The following TMEM123 variants were observed in gnomAD, a reference collection of about 807,000 sequenced individuals.
The protein encoded by TMEM123 is porimin.
TMEM123 carries 16 observed loss-of-function variants against 19.7 expected under a neutral mutation model. That is an observed-to-expected ratio of 0.81 (90% CI 0.55 to 1.23). The LOEUF is 1.23. Among genes scored for constraint, TMEM123 ranks in the 50% most tolerant of loss-of-function variants. The probability of loss-of-function intolerance (pLI) is 0.00; values close to 1 mark genes in which losing one functional copy is unlikely to be tolerated. For missense variants in TMEM123, 313 were observed against 257.8 expected, an observed-to-expected ratio of 1.21 and a Z score of -1.47; for synonymous variants, 118 against 99.4, an observed-to-expected ratio of 1.19 and a Z score of -1.12.
In TMEM123 at chr11:102,398,145, T is replaced by C. The variant is rs924917644; in HGVS notation, c.*722A>G. 1 of 154,446 alleles carries C rather than the reference T, an allele frequency of 6.5e-6. No individual in the cohort carries two copies. The highest frequency in any genetic ancestry group is 2.4e-5 in the African/African-American group (1 of 41,562). 9.6% of individuals were successfully genotyped at this position (154,446 alleles called of 1,614,324 possible). On this transcript the variant is annotated 3_prime_UTR_variant, in exon 5 of 5. Transcript: ENST00000398136. ...TTTAAAACATTATTATGTTAAACAC[T>C]GCAGTTTACCTAAATTACACAGAGA...
intron 2 of TMEM123, among the ~76,000 whole-genome samples, chr11:102,439,086 C>G (rs992858899): frequency 6.6e-6 from 1 of 152,166 alleles, no homozygotes; most frequent in Non-Finnish European, 1.5e-5. Context: ...ACAAAGTGGC[C>G]GGGAAGCTCG....
At position 102,448,854 on chromosome 11, in the gene TMEM123, C is replaced by T. The variant is rs770258765; in HGVS notation, c.115G>A (p.Glu39Lys). The T allele has an allele frequency of 6.2e-7, 1 of 1,613,694 alleles. No individual in the cohort carries two copies. Among genetic ancestry groups the T allele is most frequent in the Non-Finnish European group, 8.5e-7 (1 of 1,179,736 alleles). ...SAAMAASANI[E>K]NSGLPHNSSA... Reference sequence around the variant, plus strand: ...GAGTTGTGTGGAAGCCCAGAATTCTCTATGTTTGCAGATGCTGTAAAAATA... The same window carrying T: ...GAGTTGTGTGGAAGCCCAGAATTCTTTATGTTTGCAGATGCTGTAAAAATA... The change falls in exon 2 of 5, where the codon GAG becomes AAG. Residue 39 changes from glutamate (E) to lysine (K), a missense_variant. Physicochemically the swap from Glu to Lys is moderately conservative, Grantham distance 56. Coordinates refer to ENST00000398136, the MANE Select transcript of TMEM123 (RefSeq NM_052932.3).
intron 3 of TMEM123, 29 bp downstream of exon 3, chr11:102,401,886 AG>A (rs747295938): frequency 6.3e-7 from 1 of 1,594,156 alleles, no homozygotes; most frequent in Admixed American, 1.7e-5. Flanking sequence ...CTTGCAGCAT[AG>A]GAAAAAAAAG....
chr11:102,429,838 T>G (rs1028398819), intron 2 of TMEM123, among the ~76,000 whole-genome samples: 20 of 152,188 alleles, frequency 1.3e-4, no homozygotes, highest in Admixed American at 6.5e-5. Flanking sequence ...CGCTTTCCTG[T>G]GTCACTTTTA....
chr11:102,443,305 G>T (rs1311171604), intron 2 of TMEM123, among the ~76,000 whole-genome samples: 3 of 152,130 alleles, frequency 2.0e-5, no homozygotes, highest in Non-Finnish European at 4.4e-5. Flanking sequence ...TACACTACAA[G>T]GCTACAGTAA....
At chr11:102,400,689 C>CAATT (rs1951905108) in intron 4 of TMEM123, among the ~76,000 whole-genome samples, 1 of 152,204 alleles carries the variant, frequency 6.6e-6, no homozygotes, top group Non-Finnish European at 1.5e-5. Context: ...CCCTCGTGAA[C>CAATT]AGAATTAATA....
chr11:102,450,906 C>T (rs1857931573), intron 1 of TMEM123, among the ~76,000 whole-genome samples: 1 of 152,206 alleles, frequency 6.6e-6, no homozygotes, highest in African/African-American at 2.4e-5. Context: ...ATACAGATTA[C>T]ACTATACATG....
chr11:102,420,057 A>AT (rs1260519394), intron 2 of TMEM123, among the ~76,000 whole-genome samples: 2 of 152,250 alleles, frequency 1.3e-5, no homozygotes. Flanking sequence ...AATGGTTTTT[A>AT]TATAAAAATA....
chr11:102,425,461 C>T (rs1952118148), intron 2 of TMEM123, among the ~76,000 whole-genome samples: 1 of 152,062 alleles, frequency 6.6e-6, no homozygotes, highest in Non-Finnish European at 1.5e-5. Flanking sequence ...ATGTTGTGTC[C>T]TCCAATGATA....
chr11:102,403,080 G>A (rs1230055297), intron 2 of TMEM123, among the ~76,000 whole-genome samples: 1 of 151,918 alleles, frequency 6.6e-6, no homozygotes, highest in East Asian at 1.9e-4. Context: ...TCAAGATCTC[G>A]GCTCAATGCA....
chr11:102,421,625 G>A (rs1381183514), intron 2 of TMEM123, among the ~76,000 whole-genome samples: 3 of 152,018 alleles, frequency 2.0e-5, no homozygotes, highest in African/African-American at 7.3e-5. Context: ...TTGTGTAAAG[G>A]CACTAGAAAA....
intron 2 of TMEM123, among the ~76,000 whole-genome samples, chr11:102,405,737 A>C (rs1951950196): frequency 6.6e-6 from 1 of 152,196 alleles, no homozygotes; most frequent in South Asian, 2.1e-4. Context: ...AAGATACTGT[A>C]CAAAGTCACA....
intron 4 of TMEM123, among the ~76,000 whole-genome samples, chr11:102,400,845 C>T (rs186629743): frequency 6.6e-6 from 1 of 152,276 alleles, no homozygotes; most frequent in East Asian, 1.9e-4. Flanking sequence ...CTGTTTAAGG[C>T]ACCCAGCTGT....
chr11:102,441,057 A>G (rs1857820721), intron 2 of TMEM123, among the ~76,000 whole-genome samples: 1 of 152,186 alleles, frequency 6.6e-6, no homozygotes, highest in African/African-American at 2.4e-5. Context: ...GTCCTTAGAG[A>G]CCTACAAAGA....
chr11:102,401,511 T>A (rs201125702), intron 4 of TMEM123, 28 bp downstream of exon 4: 49 of 1,528,754 alleles, frequency 3.2e-5, no homozygotes, highest in South Asian at 3.9e-5. Flanking sequence ...CAATTTTTTT[T>A]AAAAAGTCCT....
chr11:102,446,320 C>A (rs1857882875), intron 2 of TMEM123, among the ~76,000 whole-genome samples: 1 of 152,068 alleles, frequency 6.6e-6, no homozygotes, highest in Non-Finnish European at 1.5e-5. Flanking sequence ...TCAAACAAGT[C>A]CCTGCAGACA....
At chr11:102,415,429 A>G (rs1040090224) in intron 2 of TMEM123, among the ~76,000 whole-genome samples, 6 of 152,176 alleles carry the variant, frequency 3.9e-5, no homozygotes, top group Non-Finnish European at 7.3e-5. Flanking sequence ...CATGACACAT[A>G]CCAAATGCTC....
At chr11:102,405,567 T>C (rs1374050104) in intron 2 of TMEM123, among the ~76,000 whole-genome samples, 1 of 152,206 alleles carries the variant, frequency 6.6e-6, no homozygotes, top group Non-Finnish European at 1.5e-5. Flanking sequence ...GAATGGATTC[T>C]ATTGCAATGA....
chr11:102,451,858 CG>C (rs1857943136), intron 1 of TMEM123, among the ~76,000 whole-genome samples: 1 of 152,228 alleles, frequency 6.6e-6, no homozygotes, highest in Non-Finnish European at 1.5e-5. Flanking sequence ...CTTAACGCTG[CG>C]CAGCTGCCGC....
Sources: allele counts gnomAD v4.1 joint callset (sites outside exome capture counted in the v4.1 genomes callset), GRCh38; gene constraint gnomAD v4.1.1; transcripts MANE v1.5; gene names NCBI Gene and HGNC (gene_info 2026-07-23, HGNC 2026-07-21).